Variants in UNC13C observed in about 807,000 individuals in gnomAD.
UNC13C encodes protein unc-13 homolog C.
In UNC13C, 174 loss-of-function variants were observed where a neutral mutation model predicts 245.4. That is an observed-to-expected ratio of 0.71 (90% CI 0.63 to 0.80). The LOEUF is 0.80. Among genes scored for constraint, UNC13C ranks in the 30% least tolerant of loss-of-function variants. The probability of loss-of-function intolerance (pLI) is 0.00; values close to 1 mark genes in which losing one functional copy is unlikely to be tolerated. For missense variants in UNC13C, 2,829 were observed against 2,602.9 expected, an observed-to-expected ratio of 1.09 and a Z score of -1.89; for synonymous variants, 992 against 895.1, an observed-to-expected ratio of 1.11 and a Z score of -1.93.
chr15:54,567,224 GTATTATTA>G (rs1361122375), intron 29 of UNC13C, among the ~76,000 whole-genome samples: 1 of 149,610 alleles, frequency 6.7e-6, no homozygotes, highest in African/African-American at 2.4e-5. Flanking sequence ...GCAAAAAAAA[GTATTATTA>G]TATTTATCAG....
At chr15:54,453,851 G>A (rs957809627) in intron 19 of UNC13C, among the ~76,000 whole-genome samples, 1 of 152,106 alleles carries the variant, frequency 6.6e-6, no homozygotes, top group Non-Finnish European at 1.5e-5. Context: ...CCATTTTAAA[G>A]TGTACAATTC....
At chr15:54,393,462 T>C (rs2040006124) in intron 18 of UNC13C, among the ~76,000 whole-genome samples, 1 of 151,784 alleles carries the variant, frequency 6.6e-6, no homozygotes, top group African/African-American at 2.4e-5. Context: ...CTTTCATAGC[T>C]ATACCATTGT....
At chr15:54,003,106 G>A (rs1415752402) in intron 1 of UNC13C, among the ~76,000 whole-genome samples, 1 of 152,192 alleles carries the variant, frequency 6.6e-6, no homozygotes, top group African/African-American at 2.4e-5. Flanking sequence ...TGTGGAAGCA[G>A]TGAAGTGGGA....
chr15:53,898,067 A>G, the UNC13C span, among the ~76,000 whole-genome samples: 1 of 152,154 alleles, frequency 6.6e-6, no homozygotes, highest in African/African-American at 2.4e-5. Flanking sequence ...TTATTGGGCT[A>G]ACTCTTCCAG....
In UNC13C at chr15:54,393,153, A is replaced by C; in HGVS notation, c.4819A>C (p.Lys1607Gln). 6.2e-7 allele frequency: 1 copy of C among 1,605,676 alleles called. No homozygotes were observed. The highest frequency in any genetic ancestry group is 8.5e-7 in the Non-Finnish European group (1 of 1,176,978). ...TLMVTIIDED[K>Q]TAYTPVLNQF... ...GATGGTTACTATTATTGATGAGGAT[A>C]AAACTGCCTACACACCTGTCCTGAA... Residue 1607 changes from lysine to glutamine, a missense_variant, in exon 18 of 33, where the codon AAA becomes CAA. Physicochemically the swap from Lys to Gln is moderately conservative, Grantham distance 53. Coordinates refer to ENST00000260323, the MANE Select transcript of UNC13C (RefSeq NM_001080534.3).
chr15:53,979,438 A>T (rs995889795), intron 1 of UNC13C, among the ~76,000 whole-genome samples: 7 of 126,138 alleles, frequency 5.5e-5, no homozygotes, highest in Non-Finnish European at 9.0e-5. Flanking sequence ...CAGTTCTTCA[A>T]GAAGAAGATC....
At chr15:54,115,162 T>C (rs1344138802) in intron 2 of UNC13C, among the ~76,000 whole-genome samples, 8 of 152,248 alleles carry the variant, frequency 5.3e-5, no homozygotes, top group East Asian at 1.9e-4. Context: ...TCATGACTTA[T>C]GCTTTCAGAG....
intron 30 of UNC13C, among the ~76,000 whole-genome samples, chr15:54,579,601 C>CA (rs1323719679): frequency 5.9e-5 from 9 of 151,600 alleles, no homozygotes; most frequent in African/African-American, 1.2e-4. Context: ...ACTAAAAATA[C>CA]AAAAAAAATT....
chr15:54,050,999 G>C (rs1028508737), intron 2 of UNC13C: 8 of 445,012 alleles, frequency 1.8e-5, no homozygotes, highest in Non-Finnish European at 1.4e-5. Flanking sequence ...TCGATCTCCT[G>C]GTCACCATAG....
At chr15:54,631,760 C>T (rs1325403580), downstream of UNC13C, 1 of 152,142 alleles carries the variant, frequency 6.6e-6, no homozygotes, top group African/African-American at 2.4e-5. Context: ...CTACACTTAC[C>T]TTGTTTGGCA....
intron 19 of UNC13C, among the ~76,000 whole-genome samples, chr15:54,433,821 A>G (rs1567268175): frequency 6.6e-6 from 1 of 152,094 alleles, no homozygotes. Context: ...ACATGATTGT[A>G]TATTTAGAAA....
chr15:54,312,076 A>T (rs2140964553), intron 13 of UNC13C, among the ~76,000 whole-genome samples: 1 of 152,002 alleles, frequency 6.6e-6, no homozygotes, highest in South Asian at 2.1e-4. Flanking sequence ...ATTTAAAAAT[A>T]TACAATGTAC....
chr15:53,915,262 T>C, the UNC13C span, among the ~76,000 whole-genome samples: 3 of 152,222 alleles, frequency 2.0e-5, no homozygotes, highest in Non-Finnish European at 4.4e-5. Flanking sequence ...AAAACTGTAC[T>C]GGAAGAGTGG....
At chr15:54,057,503 A>G (rs1474935691) in intron 2 of UNC13C, among the ~76,000 whole-genome samples, 1 of 151,610 alleles carries the variant, frequency 6.6e-6, no homozygotes, top group African/African-American at 2.4e-5. Flanking sequence ...CTCCCACACA[A>G]TAATAATGGG....
intron 10 of UNC13C, among the ~76,000 whole-genome samples, chr15:54,271,281 T>A (rs1334187251): frequency 6.6e-6 from 1 of 152,162 alleles, no homozygotes; most frequent in Non-Finnish European, 1.5e-5. Context: ...ATAACACATA[T>A]GAAAGCACTT....
intron 4 of UNC13C, among the ~76,000 whole-genome samples, chr15:54,210,873 G>A (rs1371285137): frequency 1.3e-5 from 2 of 152,074 alleles, no homozygotes; most frequent in African/African-American, 2.4e-5. Flanking sequence ...TGCAGGACAC[G>A]CGGTGGACTT....
At chr15:54,045,008 C>G (rs189191537) in intron 2 of UNC13C, among the ~76,000 whole-genome samples, 1 of 151,986 alleles carries the variant, frequency 6.6e-6, no homozygotes, top group African/African-American at 2.4e-5. Flanking sequence ...AAAATATTTT[C>G]TCTCAATCTG....
upstream of UNC13C, among the ~76,000 whole-genome samples, chr15:53,978,346 C>T (rs1371625242): frequency 2.0e-5 from 3 of 151,924 alleles, no homozygotes; most frequent in African/African-American, 7.3e-5. Flanking sequence ...CTGTAGCTCA[C>T]CCTCTCGGAG....
At chr15:54,133,354 T>G (rs2031543357) in intron 2 of UNC13C, among the ~76,000 whole-genome samples, 1 of 152,142 alleles carries the variant, frequency 6.6e-6, no homozygotes, top group Admixed American at 6.5e-5. Flanking sequence ...ATACTGAGAA[T>G]TTTGGTTTTA....
Sources: allele counts gnomAD v4.1 joint callset (sites outside exome capture counted in the v4.1 genomes callset), GRCh38; gene constraint gnomAD v4.1.1; transcripts MANE v1.5; gene names NCBI Gene and HGNC (gene_info 2026-07-23, HGNC 2026-07-21).